Variants in AGR3 observed in about 807,000 individuals in gnomAD.
AGR3 encodes anterior gradient 3, protein disulphide isomerase family member.
Under a neutral mutation model 24.5 loss-of-function variants are expected in AGR3, and 37 were observed. That is an observed-to-expected ratio of 1.51 (90% CI 1.16 to 1.99). The LOEUF is 1.99. Among genes scored for constraint, AGR3 ranks in the 30% most tolerant of loss-of-function variants. The pLI is 0.00. For synonymous variants in AGR3, 75 were observed against 61.6 expected, an observed-to-expected ratio of 1.22 and a Z score of -1.02; for missense variants, 228 against 191.1, an observed-to-expected ratio of 1.19 and a Z score of -1.14.
chr7:16,862,147 T>C, intron 4 of AGR3, 87 bp from the exon 5 acceptor site: 3 of 1,021,010 alleles, frequency 2.9e-6, no homozygotes, highest in Non-Finnish European at 4.5e-6. Flanking sequence ...ATATTTAGCA[T>C]TTGTTTGCAT....
Position 16,861,452 on chromosome 7 carries a change from CA to C in AGR3, c.304-6del, listed in dbSNP as rs1243656388. The C allele has an allele frequency of 6.2e-7, 1 of 1,601,264 alleles. No individual in the cohort carries two copies. Among genetic ancestry groups the C allele is most frequent in the Non-Finnish European group, 8.5e-7 (1 of 1,174,036 alleles). ...ATTCTTATCAGTGGTTTCATGCTAG[CA>C]GGAGAAGAAAAAAAAAGAATGTTAT... On this transcript the variant is annotated splice_polypyrimidine_tract_variant and splice_region_variant and intron_variant, in intron 5 of 7. Coordinates refer to ENST00000310398, the MANE Select transcript of AGR3 (RefSeq NM_176813.5).
downstream of AGR3, among the ~76,000 whole-genome samples, chr7:16,855,218 T>C (rs1224790713): frequency 6.6e-6 from 1 of 152,152 alleles, no homozygotes; most frequent in African/African-American, 2.4e-5. Context: ...TAAAACTTAT[T>C]CCCATTTTTA....
Position 16,873,843 on chromosome 7 carries a change from C to A in AGR3, c.110G>T (p.Gly37Val), listed in dbSNP as rs781568473. The A allele has an allele frequency of 1.9e-6, 3 of 1,611,566 alleles. No homozygotes were observed. Among genetic ancestry groups the A allele is most frequent in the Admixed American group, 1.7e-5 (1 of 59,970 alleles). ...EKRPPQTLSRGWGDDITWVQT... is the reference protein window; with the variant it reads ...EKRPPQTLSRVWGDDITWVQT... ...TACCCAAGTGATGTCATCTCCCCAT[C>A]CTGAAATAGAAGAGAGAAATCAATG... Residue 37 changes from glycine (G) to valine (V), a missense_variant and splice_region_variant, in exon 3 of 8, where the codon GGA becomes GTA. By Grantham distance (109) the Gly-to-Val change is moderately radical. Transcript: ENST00000310398.
chr7:16,869,021 C>A (rs1431075260), intron 3 of AGR3, among the ~76,000 whole-genome samples: 2 of 152,132 alleles, frequency 1.3e-5, no homozygotes, highest in Non-Finnish European at 2.9e-5. Flanking sequence ...TCTTCTCTTG[C>A]TGTTTGATTA....
Position 16,860,481 on chromosome 7 carries a change from A to C in AGR3, c.451+19T>G. On this transcript the variant is annotated intron_variant, in intron 7 of 7. Coordinates refer to ENST00000310398, the MANE Select transcript of AGR3 (RefSeq NM_176813.5). ...GGGTCAGCTATGACCACTGTTTGAG[A>C]TCATTTGTGAATACTTACATAGGGG... 6.3e-7 allele frequency: 1 copy of C among 1,581,258 alleles called. No homozygotes were observed. The highest frequency in any genetic ancestry group is 2.2e-5 in the East Asian group (1 of 44,728).
At chr7:16,871,663 T>C (rs1363673808) in intron 3 of AGR3, among the ~76,000 whole-genome samples, 1 of 152,086 alleles carries the variant, frequency 6.6e-6, no homozygotes, top group Non-Finnish European at 1.5e-5. Flanking sequence ...GCCAACATGG[T>C]GAAACCCTGT....
chr7:16,864,973 C>G, intron 3 of AGR3: 1 of 984,590 alleles, frequency 1.0e-6, no homozygotes, highest in South Asian at 1.3e-5. Context: ...AAATAAGTCT[C>G]CTGGCATGTG....
intron 2 of AGR3, among the ~76,000 whole-genome samples, chr7:16,876,794 T>G (rs1338685243): frequency 6.6e-6 from 1 of 152,222 alleles, no homozygotes; most frequent in Non-Finnish European, 1.5e-5. Flanking sequence ...GTAATATATT[T>G]TTTCAAAACA....
chr7:16,881,799 A>G, intron 1 of AGR3, 145 bp downstream of exon 1: 2 of 366,672 alleles, frequency 5.5e-6, no homozygotes, highest in South Asian at 4.5e-5. Flanking sequence ...AAGGAAATCC[A>G]GTTCAGTAAA....
At chr7:16,874,384 G>A (rs7794408) in intron 2 of AGR3, among the ~76,000 whole-genome samples, 141,434 of 152,110 alleles carry the variant, frequency 0.93, 66,332 homozygotes, top group Non-Finnish European at 1. Context: ...ATAATAAAAC[G>A]CATGTGTTTT....
chr7:16,869,263 G>C (rs1162786790), intron 3 of AGR3, among the ~76,000 whole-genome samples: 1 of 151,852 alleles, frequency 6.6e-6, no homozygotes, highest in Non-Finnish European at 1.5e-5. Context: ...ATACCTTCTT[G>C]GTAAATTAAT....
intron 3 of AGR3, among the ~76,000 whole-genome samples, chr7:16,868,224 C>T (rs573578860): frequency 2.2e-4 from 34 of 151,836 alleles, no homozygotes; most frequent in African/African-American, 7.2e-4. Context: ...GGTGCGATCT[C>T]GGCTCACCAC....
At chr7:16,864,482 C>A in intron 3 of AGR3, 1 of 1,260,156 alleles carries the variant, frequency 7.9e-7, no homozygotes, top group Non-Finnish European at 1.2e-6. Flanking sequence ...CTGTCAGGGT[C>A]GATCATTCCA....
At chr7:16,864,782 C>T in intron 3 of AGR3, 1 of 1,060,490 alleles carries the variant, frequency 9.4e-7, no homozygotes, top group East Asian at 2.4e-5. Flanking sequence ...TGAGCATATC[C>T]TCCGGCTTTG....
intron 3 of AGR3, chr7:16,864,702 A>C (rs571180433): frequency 2.3e-5 from 36 of 1,556,488 alleles, no homozygotes; most frequent in Middle Eastern, 4.0e-4. Flanking sequence ...AATTTTCCCC[A>C]TACTTTTTAT....
chr7:16,873,802 C>T lies in AGR3; in HGVS notation c.151G>A (p.Gly51Ser), dbSNP rs1175122890. Residue 51 changes from glycine (G) to serine (S), a missense_variant, in exon 3 of 8, where the codon GGT (glycine) becomes AGT (serine). Physicochemically the swap from Gly to Ser is moderately conservative, Grantham distance 56. Transcript: ENST00000310398. The part of the protein sequence containing the change: ...DITWVQTYEE[G>S]LFYAQKSKKP... ...TACCTTTTTTGAGCATAAAAGAGAC[C>T]TTCTTCATAAGTTTGTACCCAAGTG... The T allele has an allele frequency of 6.2e-7, 1 of 1,612,986 alleles. No individual in the cohort carries two copies. The highest frequency in any genetic ancestry group is 2.2e-5 in the East Asian group (1 of 44,846).
rs371449966 is a variant in AGR3, at chr7:16,859,661, A to T, written c.452-30T>A. 375 of 1,358,872 alleles carry T rather than the reference A, an allele frequency of 2.8e-4. 1 individual carries two copies. The Middle Eastern group carries it at 4.0e-3, about 15-fold the overall frequency. 84.2% of individuals were successfully genotyped at this position (1,358,872 alleles called of 1,614,324 possible). A position where few individuals can be genotyped will look rare whatever the true frequency, so the allele number is the denominator to read the frequency against. ...AATAAGAGTTAATATATATTATGCTATTAATAAATGAAAGTACAAATGCTA... is the reference window on the plus strand; with the variant it reads ...AATAAGAGTTAATATATATTATGCTTTTAATAAATGAAAGTACAAATGCTA... On this transcript the variant is annotated intron_variant, in intron 7 of 7. Coordinates refer to ENST00000310398, the MANE Select transcript of AGR3 (RefSeq NM_176813.5).
chr7:16,862,391 T>G (rs1248567427), intron 4 of AGR3, among the ~76,000 whole-genome samples: 4 of 152,182 alleles, frequency 2.6e-5, no homozygotes, highest in Non-Finnish European at 5.9e-5. Flanking sequence ...AGAAGAGGAA[T>G]ATGTAATTCC....
Position 16,864,997 on chromosome 7 carries a change from A to G in AGR3, c.174-2335T>C, listed in dbSNP as rs1781727660. 5.2e-6 allele frequency: 5 copies of G among 965,142 alleles called. No homozygotes were observed. The South Asian group carries it at 6.5e-5, about 12-fold the overall frequency. The allele number at this position is 965,142 out of a possible 1,614,324, so 59.8% of individuals were successfully genotyped here. ...TCCTGGCATGTGTGACATTTCTACTACCTCCTCAGGTTCAACAAGTATGTA... is the reference window on the plus strand; with the variant it reads ...TCCTGGCATGTGTGACATTTCTACTGCCTCCTCAGGTTCAACAAGTATGTA... On this transcript the variant is annotated intron_variant, in intron 3 of 7. Transcript: ENST00000310398.
Sources: gnomAD v4.1 joint callset for allele counts (sites outside exome capture counted in the v4.1 genomes callset) on GRCh38, gnomAD v4.1.1 for gene constraint, MANE v1.5 for transcripts, NCBI Gene and HGNC (gene_info 2026-07-23, HGNC 2026-07-21) for gene names.